TENT4B: variants seen among roughly 807,000 people sequenced by gnomAD.
TENT4B encodes terminal nucleotidyltransferase 4B, also known as PAP associated domain containing 5.
Under a neutral mutation model 75.0 loss-of-function variants are expected in TENT4B, and 10 were observed. The observed-to-expected ratio is 0.13, with a 90% CI of 0.08 to 0.23. The LOEUF is 0.23. Ranked by LOEUF, TENT4B falls within the 10% of genes least tolerant of loss-of-function variation. The pLI, the probability that TENT4B is intolerant of heterozygous loss-of-function variation, is 1.00. For missense variants in TENT4B, 579 were observed against 893.8 expected (o/e 0.65, Z 4.49); for synonymous variants, 350 against 357.7 (o/e 0.98, Z 0.24).
intron 11 of TENT4B, 33 bp from the exon 12 acceptor site, chr16:50,229,119 T>C (rs2032183529): frequency 3.1e-6 from 5 of 1,607,748 alleles, no homozygotes; most frequent in Non-Finnish European, 4.2e-6. Context: ...TCTGCAATAC[T>C]GATGTCTTTG....
chr16:50,201,831 A>T (rs940387250), intron 1 of TENT4B, among the ~76,000 whole-genome samples: 2 of 16,202 alleles, frequency 1.2e-4, no homozygotes, highest in Non-Finnish European at 3.5e-4. Context: ...TACTCTATTT[A>T]AAAAAAAAAA....
chr16:50,173,941 G>A (rs192825951), intron 1 of TENT4B, among the ~76,000 whole-genome samples: 103 of 151,740 alleles, frequency 6.8e-4, no homozygotes, highest in African/African-American at 2.0e-3. Context: ...TGATCTGCCC[G>A]CCTCGGCCTC....
intron 3 of TENT4B, among the ~76,000 whole-genome samples, chr16:50,215,640 ATG>A (rs1359242405): frequency 1.3e-5 from 2 of 152,140 alleles, no homozygotes; most frequent in African/African-American, 4.8e-5. Flanking sequence ...ATAAAAGGAC[ATG>A]TGTGTATATT....
chr16:50,227,750 AG>A, intron 10 of TENT4B, 88 bp from the exon 11 acceptor site: 2 of 1,411,064 alleles, frequency 1.4e-6, no homozygotes, highest in Non-Finnish European at 2.0e-6. Flanking sequence ...TAGTCCAGAG[AG>A]TACTTTAACC....
chr16:50,174,745 T>G (rs2038271781), intron 1 of TENT4B, among the ~76,000 whole-genome samples: 2 of 138,672 alleles, frequency 1.4e-5, no homozygotes, highest in South Asian at 4.7e-4. Context: ...CCCTACTCTT[T>G]TTTTTTTTTT....
chr16:50,229,524 AAAG>A lies in TENT4B; in HGVS notation c.*197_*199del. 3 of 1,262,472 alleles carry A rather than the reference AAAG, an allele frequency of 2.4e-6. No homozygotes were observed. The highest frequency in any genetic ancestry group is 3.0e-6 in the Non-Finnish European group (3 of 1,007,706). 78.2% of individuals were successfully genotyped at this position (1,262,472 alleles called of 1,614,324 possible). On this transcript the variant is annotated 3_prime_UTR_variant, in exon 12 of 12. Coordinates refer to ENST00000561678, the MANE Select transcript of TENT4B (RefSeq NM_001365324.3). Reference sequence around the variant, plus strand: ...AAAAAAACAAAACAAAACAAAAAAAAAAGCAAGCAAAAAAGAGGGAAAAAAAAG... The same window carrying A: ...AAAAAAACAAAACAAAACAAAAAAAACAAGCAAAAAAGAGGGAAAAAAAAG...
intron 8 of TENT4B, 32 bp from the exon 9 acceptor site, chr16:50,224,859 C>T: frequency 6.2e-7 from 1 of 1,611,048 alleles, no homozygotes; most frequent in Non-Finnish European, 8.5e-7. Context: ...ATGTTATTCC[C>T]TCCCTCTCCC....
In TENT4B at chr16:50,224,771, A is replaced by G; in HGVS notation, c.1496A>G (p.Asn499Ser). 2 of 1,614,030 alleles carry G rather than the reference A, an allele frequency of 1.2e-6. No individual in the cohort carries two copies. Among genetic ancestry groups the G allele is most frequent in the Non-Finnish European group, 1.7e-6 (2 of 1,179,898 alleles). ...VSPIAKYYPN[N>S]ETESILGRII... ...CCAATAGCAAAGTACTATCCCAACA[A>G]TGAAACAGAAAGGTAAAAGTTCATC... Residue 499 changes from asparagine to serine, a missense_variant, in exon 8 of 12, where the codon AAT (asparagine) becomes AGT (serine). Asn to Ser is a conservative substitution (Grantham distance 46). Coordinates refer to ENST00000561678, the MANE Select transcript of TENT4B (RefSeq NM_001365324.3).
rs2032393572 is a variant in TENT4B at position 50,234,665 on chromosome 16, TCCTAAA to T, written c.*5338_*5343del. The T allele has an allele frequency of 1.0e-6, 1 of 985,298 alleles. No individual in the cohort carries two copies. The highest frequency in any genetic ancestry group is 1.2e-6 in the Non-Finnish European group (1 of 829,934). The allele number at this position is 985,298 out of a possible 1,614,324, so 61.0% of individuals were successfully genotyped here. A position where few individuals can be genotyped will look rare whatever the true frequency, so the allele number is the denominator to read the frequency against. Reference sequence around the variant, plus strand: ...AAAAAGTCTTTTGAAAGTCCTACAATCCTAAAATAAATCACAAGCTTGTTTGTTAGA... The same window carrying T: ...AAAAAGTCTTTTGAAAGTCCTACAATATAAATCACAAGCTTGTTTGTTAGA... On this transcript the variant is annotated 3_prime_UTR_variant, in exon 12 of 12. Transcript: ENST00000561678.
chr16:50,209,033 A>G (rs905055229), intron 1 of TENT4B, among the ~76,000 whole-genome samples: 2 of 152,210 alleles, frequency 1.3e-5, no homozygotes, highest in Non-Finnish European at 2.9e-5. Flanking sequence ...GCCTGGCCAG[A>G]GAATGAATTC....
At position 50,192,172 on chromosome 16, in the gene TENT4B, T is replaced by G. The variant is rs1596697207; in HGVS notation, c.639-19151T>G. ...CTGGAGAATGCTTGGACCTGGGAGG[T>G]GGAGGCTACAGTGAGCTGAGATCAC... On this transcript the variant is annotated intron_variant, in intron 1 of 11. Transcript: ENST00000561678. Among the ~76,000 whole-genome samples the G allele has an allele frequency of 3.4e-5, 5 of 146,114 alleles. No homozygotes were observed. The South Asian group carries it at 1.1e-3, about 31-fold the overall frequency.
At chr16:50,192,320 C>T (rs2029906747) in intron 1 of TENT4B, among the ~76,000 whole-genome samples, 1 of 152,062 alleles carries the variant, frequency 6.6e-6, no homozygotes, top group Non-Finnish European at 1.5e-5. Flanking sequence ...TCTTAATTGA[C>T]CCTTTGACAT....
At chr16:50,225,768 C>T (rs915278902) in intron 10 of TENT4B, among the ~76,000 whole-genome samples, 12 of 151,638 alleles carry the variant, frequency 7.9e-5, no homozygotes, top group Non-Finnish European at 1.0e-4. Flanking sequence ...CTGCAACCTC[C>T]GCCTCCCATG....
rs2032232472 is a variant in TENT4B, at chr16:50,230,090, A to T, written c.*762A>T. 1 of 984,528 alleles carries T rather than the reference A, an allele frequency of 1.0e-6. No homozygotes were observed. Among genetic ancestry groups the T allele is most frequent in the Admixed American group, 6.2e-5 (1 of 16,230 alleles). The allele number at this position is 984,528 out of a possible 1,614,324, so 61.0% of individuals were successfully genotyped here. On this transcript the variant is annotated 3_prime_UTR_variant, in exon 12 of 12. Transcript: ENST00000561678. Reference sequence around the variant, plus strand: ...TTTTTCCTCTCTAAAGAAAAGGTTTATGGTGGCAAATGATGTTTATTTTAT... The same window carrying T: ...TTTTTCCTCTCTAAAGAAAAGGTTTTTGGTGGCAAATGATGTTTATTTTAT...
chr16:50,225,201 G>A lies in TENT4B; in HGVS notation c.1716G>A (p.Ser572=), dbSNP rs781627663. The change falls in exon 10 of 12, where the codon TCG becomes TCA. Residue 572 remains serine, a synonymous_variant. Coordinates refer to ENST00000561678, the MANE Select transcript of TENT4B (RefSeq NM_001365324.3). ...EALGKCRSKT[S]ESLSKHSSNS... ...TTGGAAAATGTAGAAGTAAAACCTC[G>A]GAATCTCTTAGTAAACACTCTTCAA... 10 of 1,613,786 alleles carry A rather than the reference G, an allele frequency of 6.2e-6. No homozygotes were observed. The highest frequency in any genetic ancestry group is 2.2e-5 in the East Asian group (1 of 44,900).
rs1293724248 is a variant in TENT4B at position 50,219,991 on chromosome 16, TA to T, written c.1039-2313del. On this transcript the variant is annotated intron_variant, in intron 5 of 11. Coordinates refer to ENST00000561678, the MANE Select transcript of TENT4B (RefSeq NM_001365324.3). Reference sequence around the variant, plus strand: ...CACCACACCTGGCTAACTTTTTTTTTAATTTTTTTTTTTTTGAGATGGAGTC... The same window carrying T: ...CACCACACCTGGCTAACTTTTTTTTTATTTTTTTTTTTTTGAGATGGAGTC... 1.3e-4 allele frequency among the ~76,000 whole-genome samples: 3 copies of T among 23,342 alleles called. No individual in the cohort carries two copies. The East Asian group carries it at 5.1e-3, about 39-fold the overall frequency. 15.3% of individuals were successfully genotyped at this position (23,342 alleles called of 152,430 possible). A position where few individuals can be genotyped will look rare whatever the true frequency, so the allele number is the denominator to read the frequency against.
At chr16:50,175,360 G>T (rs1029416598) in intron 1 of TENT4B, among the ~76,000 whole-genome samples, 1 of 152,070 alleles carries the variant, frequency 6.6e-6, no homozygotes, top group Non-Finnish European at 1.5e-5. Context: ...GAAAGTCTTC[G>T]CCAAACCACA....
intron 1 of TENT4B, among the ~76,000 whole-genome samples, chr16:50,166,080 C>CTTTT (rs34403390): frequency 1.7e-5 from 2 of 117,554 alleles, no homozygotes; most frequent in East Asian, 2.4e-4. Flanking sequence ...CTTGACAGCA[C>CTTTT]TTTTTTTTTT....
intron 1 of TENT4B, among the ~76,000 whole-genome samples, chr16:50,202,357 G>T (rs1183581630): frequency 1.3e-5 from 2 of 152,104 alleles, no homozygotes; most frequent in Non-Finnish European, 2.9e-5. Flanking sequence ...AACAACAAAT[G>T]AATACATAAA....
Sources: allele counts gnomAD v4.1 joint callset (sites outside exome capture counted in the v4.1 genomes callset), GRCh38; gene constraint gnomAD v4.1.1; transcripts MANE v1.5; gene names NCBI Gene and HGNC (gene_info 2026-07-23, HGNC 2026-07-21).